Variants in TM9SF3 observed in about 807,000 individuals in gnomAD.
TM9SF3 encodes the protein transmembrane 9 superfamily member 3.
A neutral mutation model predicts 78.6 loss-of-function variants in TM9SF3; 14 were observed. The ratio of observed to expected loss-of-function variants is 0.18; its 90% CI spans 0.12 to 0.28. TM9SF3 has a LOEUF of 0.28. TM9SF3 is among the 10% of genes least tolerant of loss of function. The pLI is 1.00. For missense variants in TM9SF3, 496 were observed against 721.9 expected (o/e 0.69, Z 3.59); for synonymous variants, 231 against 241.7 (o/e 0.96, Z 0.41).
rs757019178 is a variant in TM9SF3, at chr10:96,544,132, T to C, written c.1129A>G (p.Ile377Val). ...PAMVCGTAFFINFIAIYYHAS... is the reference protein window; with the variant it reads ...PAMVCGTAFFVNFIAIYYHAS... The stretch of plus-strand genomic sequence containing the variant: ...TGGTAATAAATGGCTATGAAATTGA[T>C]GAAGAAGGCAGTGCCACACACCATA... Residue 377 changes from isoleucine to valine, a missense_variant, in exon 9 of 15, where the codon ATC becomes GTC. By Grantham distance (29) the Ile-to-Val change is conservative. Coordinates refer to ENST00000371142, the MANE Select transcript of TM9SF3 (RefSeq NM_020123.4). 18 of 1,613,408 alleles carry C rather than the reference T, an allele frequency of 1.1e-5. No homozygotes were observed. The highest frequency in any genetic ancestry group is 1.4e-5 in the Non-Finnish European group (17 of 1,179,686).
intron 2 of TM9SF3, among the ~76,000 whole-genome samples, chr10:96,571,603 T>A (rs1481376858): frequency 6.6e-6 from 1 of 152,184 alleles, no homozygotes; most frequent in Non-Finnish European, 1.5e-5. Flanking sequence ...ACAGCCAAGA[T>A]TGAGAATCAC....
chr10:96,562,032 A>C lies in TM9SF3; in HGVS notation c.528T>G (p.Thr176=). The change falls in exon 4 of 15, where the codon ACT becomes ACG. Residue 176 remains threonine (T), a synonymous_variant. Coordinates refer to ENST00000371142, the MANE Select transcript of TM9SF3 (RefSeq NM_020123.4). ...NGNRIVDVNL[T]SEGKVKLVPN... ...GAACCAGTTTCACCTTTCCTTCACTAGTTAGATTAACATCAACAATTCGAT... is the reference window on the plus strand; with the variant it reads ...GAACCAGTTTCACCTTTCCTTCACTCGTTAGATTAACATCAACAATTCGAT... 6.2e-7 allele frequency: 1 copy of C among 1,613,484 alleles called. No individual in the cohort carries two copies. The highest frequency in any genetic ancestry group is 8.5e-7 in the Non-Finnish European group (1 of 1,179,672).
chr10:96,586,845 C>T lies in TM9SF3; in HGVS notation c.-10G>A. On this transcript the variant is annotated 5_prime_UTR_variant, in exon 1 of 15. Transcript: ENST00000371142. ...CAGGCAGCGGCCTCATCCTCCGCGC[C>T]CCTCCGGCCCGGAGCCGGCTCACCG... 1 of 1,209,432 alleles carries T rather than the reference C, an allele frequency of 8.3e-7. No homozygotes were observed. The highest frequency in any genetic ancestry group is 1.0e-6 in the Non-Finnish European group (1 of 975,100). The allele number at this position is 1,209,432 out of a possible 1,614,324, so 74.9% of individuals were successfully genotyped here. A position where few individuals can be genotyped will look rare whatever the true frequency, so the allele number is the denominator to read the frequency against.
intron 10 of TM9SF3, among the ~76,000 whole-genome samples, chr10:96,532,168 C>A (rs1291467187): frequency 1.3e-5 from 2 of 151,960 alleles, no homozygotes; most frequent in Non-Finnish European, 2.9e-5. Context: ...CGAGATCACA[C>A]CACTGCACTC....
chr10:96,560,217 CCT>C (rs1215653821), intron 4 of TM9SF3: 3 of 1,011,698 alleles, frequency 3.0e-6, no homozygotes, highest in African/African-American at 1.6e-5. Context: ...ACATGAGCCC[CCT>C]GAGGCCCCAG....
chr10:96,544,298 C>A (rs1205631016), intron 8 of TM9SF3, 92 bp from the exon 9 acceptor site: 2 of 1,150,186 alleles, frequency 1.7e-6, no homozygotes, highest in Non-Finnish European at 2.3e-6. Context: ...TGAAATTTAA[C>A]ATCTTAATAA....
At position 96,534,383 on chromosome 10, in the gene TM9SF3, G is replaced by A. The variant is rs948207813; in HGVS notation, c.1186-1193C>T. Reference sequence around the variant, plus strand: ...TGAATTTATGCTCATATTAAAATACGTGAAATGTGAAAAATAAGCAGGTGT... The same window carrying A: ...TGAATTTATGCTCATATTAAAATACATGAAATGTGAAAAATAAGCAGGTGT... On this transcript the variant is annotated intron_variant, in intron 9 of 14. Coordinates refer to ENST00000371142, the MANE Select transcript of TM9SF3 (RefSeq NM_020123.4). 2.6e-5 allele frequency among the ~76,000 whole-genome samples: 4 copies of A among 152,246 alleles called. No homozygotes were observed. The East Asian group carries it at 5.8e-4, about 22-fold the overall frequency.
chr10:96,579,190 A>T (rs1848532409), intron 1 of TM9SF3, among the ~76,000 whole-genome samples: 1 of 152,224 alleles, frequency 6.6e-6, no homozygotes, highest in African/African-American at 2.4e-5. Context: ...AGAAGTTTGA[A>T]GTATGTGAAA....
chr10:96,570,213 A>G (rs1848424602), intron 2 of TM9SF3, among the ~76,000 whole-genome samples: 1 of 152,258 alleles, frequency 6.6e-6, no homozygotes, highest in South Asian at 2.1e-4. Flanking sequence ...TCCGGCACAT[A>G]ATATGCACTA....
chr10:96,586,623 G>T, intron 1 of TM9SF3, 111 bp downstream of exon 1: 1 of 915,374 alleles, frequency 1.1e-6, no homozygotes, highest in Non-Finnish European at 1.4e-6. Context: ...GAGTCCTCGG[G>T]CCGCAGTGGG....
chr10:96,586,418 G>A (rs1405101408), intron 1 of TM9SF3, among the ~76,000 whole-genome samples: 1 of 152,126 alleles, frequency 6.6e-6, no homozygotes, highest in Non-Finnish European at 1.5e-5. Context: ...CGCGGTGGAT[G>A]AACCTCAACC....
intron 14 of TM9SF3, 102 bp downstream of exon 14, chr10:96,527,111 G>T: frequency 1.0e-6 from 1 of 993,828 alleles, no homozygotes; most frequent in Non-Finnish European, 1.5e-6. Flanking sequence ...TGGTGTTTCT[G>T]ATCAAACAAC....
chr10:96,544,716 CAGGTTATACTACTTTAAAAAGA>C (rs1465810634), intron 8 of TM9SF3, among the ~76,000 whole-genome samples: 1 of 151,756 alleles, frequency 6.6e-6, no homozygotes, highest in African/African-American at 2.4e-5. Flanking sequence ...ATTTGAAAAG[CAGGTTATACTACTTTAAAAAGA>C]AGAAAAAAGT....
chr10:96,544,782 C>T (rs375915485), intron 8 of TM9SF3, among the ~76,000 whole-genome samples: 2 of 151,792 alleles, frequency 1.3e-5, no homozygotes, highest in African/African-American at 2.4e-5. Flanking sequence ...AAAAGAACCT[C>T]GCAAGAAACC....
rs1284102527 is a variant in TM9SF3 at position 96,518,948 on chromosome 10, C to T, written c.*3315G>A. On this transcript the variant is annotated 3_prime_UTR_variant, in exon 15 of 15. Coordinates refer to ENST00000371142, the MANE Select transcript of TM9SF3 (RefSeq NM_020123.4). Reference sequence around the variant, plus strand: ...CCTATTTATTACATGTTCCAATAAACCAATAGAATGAAGCACTAAGACACG... The same window carrying T: ...CCTATTTATTACATGTTCCAATAAATCAATAGAATGAAGCACTAAGACACG... 1 of 151,966 alleles carries T rather than the reference C, an allele frequency of 6.6e-6. No individual in the cohort carries two copies. The highest frequency in any genetic ancestry group is 1.5e-5 in the Non-Finnish European group (1 of 67,918). The allele number at this position is 151,966 out of a possible 1,614,324, so 9.4% of individuals were successfully genotyped here.
intron 3 of TM9SF3, among the ~76,000 whole-genome samples, chr10:96,563,063 A>G (rs1848328879): frequency 6.6e-6 from 1 of 152,102 alleles, no homozygotes; most frequent in Non-Finnish European, 1.5e-5. Flanking sequence ...GGGGATAATG[A>G]AATCCTTCTT....
intron 8 of TM9SF3, among the ~76,000 whole-genome samples, chr10:96,544,596 C>G (rs549138563): frequency 1.1e-4 from 16 of 152,140 alleles, no homozygotes; most frequent in Non-Finnish European, 2.2e-4. Context: ...AGCTTCTTGG[C>G]ATGCCCATGA....
At chr10:96,556,061 G>T (rs1430838091) in intron 5 of TM9SF3, among the ~76,000 whole-genome samples, 1 of 151,998 alleles carries the variant, frequency 6.6e-6, no homozygotes, top group Non-Finnish European at 1.5e-5. Context: ...CTGAAATTTT[G>T]TAATATTCCT....
chr10:96,576,646 T>C lies in TM9SF3; in HGVS notation c.286A>G (p.Ile96Val). 1.3e-6 allele frequency: 2 copies of C among 1,589,336 alleles called. No individual in the cohort carries two copies. Among genetic ancestry groups the C allele is most frequent in the Non-Finnish European group, 1.7e-6 (2 of 1,172,316 alleles). ...GVELEFSGLD[I>V]KFKDDVMPAT... ...AAGGTTTACTTACCTTTAAATTTAA[T>C]ATCCAGACCACTAAATTCCAATTCA... The change falls in exon 2 of 15, where the codon ATT (isoleucine) becomes GTT (valine). Residue 96 changes from isoleucine to valine, a missense_variant. Coordinates refer to ENST00000371142, the MANE Select transcript of TM9SF3 (RefSeq NM_020123.4).
Sources: gnomAD v4.1 joint callset for allele counts (sites outside exome capture counted in the v4.1 genomes callset) on GRCh38, gnomAD v4.1.1 for gene constraint, MANE v1.5 for transcripts, NCBI Gene and HGNC (gene_info 2026-07-23, HGNC 2026-07-21) for gene names.